PPP2R2A: variants seen among roughly 807,000 people sequenced by gnomAD.
The protein encoded by PPP2R2A is protein phosphatase 2 regulatory subunit Balpha, also known as serine/threonine-protein phosphatase 2A 55 kDa regulatory subunit B alpha isoform.
PPP2R2A carries 9 observed loss-of-function variants against 53.2 expected under a neutral mutation model. The observed-to-expected ratio is 0.17, with a 90% CI of 0.10 to 0.30. The LOEUF (loss-of-function observed/expected upper bound fraction) is 0.30. PPP2R2A is among the 10% of genes least tolerant of loss of function. The pLI is 1.00. For missense variants in PPP2R2A, 235 were observed against 534.6 expected (o/e 0.44, Z 5.53); for synonymous variants, 169 against 174.2 (o/e 0.97, Z 0.23).
At chr8:26,306,252 GATTGC>G (rs889907714) in intron 2 of PPP2R2A, among the ~76,000 whole-genome samples, 5 of 151,684 alleles carry the variant, frequency 3.3e-5, no homozygotes, top group Non-Finnish European at 7.4e-5. Context: ...AAGGTGGGTG[GATTGC>G]TTGAGGTCAG....
Position 26,362,890 on chromosome 8 carries a change from G to A in PPP2R2A, c.802+42G>A, listed in dbSNP as rs1271201343. ...TTTCCTTAAAATGATTACATATTCT[G>A]TTTGTCTGAAATAAGCCTCAGACAT... On this transcript the variant is annotated intron_variant, in intron 7 of 9. Coordinates refer to ENST00000380737, the MANE Select transcript of PPP2R2A (RefSeq NM_002717.4). This position sits in a 1 kb window ranked among gnomAD's most constrained non-coding sequence, Gnocchi z 4.4. The A allele has an allele frequency of 1.9e-6, 3 of 1,572,830 alleles. No individual in the cohort carries two copies. The highest frequency in any genetic ancestry group is 2.6e-6 in the Non-Finnish European group (3 of 1,150,378).
chr8:26,342,324 T>C (rs549637220), intron 3 of PPP2R2A, among the ~76,000 whole-genome samples: 2 of 152,216 alleles, frequency 1.3e-5, no homozygotes, highest in Non-Finnish European at 2.9e-5. Context: ...CTAATAGCTT[T>C]TGACAGCAAA....
In PPP2R2A at chr8:26,361,045, A is replaced by G. The variant is rs375959689; in HGVS notation, c.531A>G (p.Thr177=). ...SPRRIFANAH[T]YHINSISINS... ...GAAGAATATTTGCCAATGCTCATACATATCACATCAACTCAATTTCTATTA... is the reference window on the plus strand; with the variant it reads ...GAAGAATATTTGCCAATGCTCATACGTATCACATCAACTCAATTTCTATTA... The change falls in exon 6 of 10, where the codon ACA becomes ACG. Residue 177 remains threonine, a synonymous_variant. Transcript: ENST00000380737. 2 of 1,609,018 alleles carry G rather than the reference A, an allele frequency of 1.2e-6. No homozygotes were observed. The highest frequency in any genetic ancestry group is 1.1e-5 in the South Asian group (1 of 90,044).
rs141854462 is a variant in PPP2R2A, at chr8:26,334,493, TC to T, written c.83-4395del. 9.7e-4 allele frequency among the ~76,000 whole-genome samples: 147 copies of T among 152,146 alleles called. 2 individuals carry two copies. In the East Asian group the frequency reaches 0.021, roughly 21 times the overall value. On this transcript the variant is annotated intron_variant, in intron 2 of 9. Coordinates refer to ENST00000380737, the MANE Select transcript of PPP2R2A (RefSeq NM_002717.4). The stretch of plus-strand genomic sequence containing the variant: ...AGGTACGGTGGCTCACGCCTGAAAT[TC>T]CAGCATATTGGGAGGCCGAGGTAGG...
chr8:26,296,282 C>T (rs910530316), intron 2 of PPP2R2A, among the ~76,000 whole-genome samples: 8 of 152,234 alleles, frequency 5.3e-5, no homozygotes, highest in African/African-American at 1.9e-4. Flanking sequence ...TAAGTTCAAA[C>T]ATCTCAGTCT....
At chr8:26,324,607 A>C (rs1211114482) in intron 2 of PPP2R2A, among the ~76,000 whole-genome samples, 1 of 152,158 alleles carries the variant, frequency 6.6e-6, no homozygotes, top group Non-Finnish European at 1.5e-5. Flanking sequence ...GTGGGGTCGG[A>C]GCCCCCACAC....
intron 2 of PPP2R2A, among the ~76,000 whole-genome samples, chr8:26,301,329 CTTTTTTTTGTTTTTT>C (rs1801773876): frequency 7.1e-6 from 1 of 141,370 alleles, no homozygotes; most frequent in Non-Finnish European, 1.6e-5. Context: ...TTTCCTTTTT[CTTTTTTTTGTTTTTT>C]TTTTTTGAGA....
intron 2 of PPP2R2A, among the ~76,000 whole-genome samples, chr8:26,306,349 G>A (rs1032492887): frequency 2.0e-5 from 3 of 151,882 alleles, no homozygotes; most frequent in Admixed American, 2.0e-4. Context: ...GGTGGCGCTT[G>A]CCTGTAATCC....
intron 2 of PPP2R2A, among the ~76,000 whole-genome samples, chr8:26,316,180 G>T (rs1225171832): frequency 2.0e-5 from 3 of 151,906 alleles, no homozygotes; most frequent in Admixed American, 6.6e-5. Flanking sequence ...AATTTCTTTT[G>T]TATTTCTAGT....
intron 2 of PPP2R2A, among the ~76,000 whole-genome samples, chr8:26,302,238 A>G (rs1801820776): frequency 1.3e-5 from 2 of 152,250 alleles, no homozygotes; most frequent in Admixed American, 6.5e-5. Flanking sequence ...TTCAGTGTAC[A>G]GTGTTTGTTG....
chr8:26,325,996 T>C (rs1803067850), intron 2 of PPP2R2A, among the ~76,000 whole-genome samples: 1 of 152,082 alleles, frequency 6.6e-6, no homozygotes. Flanking sequence ...CTGCCATGCC[T>C]GGCTAATATT....
In PPP2R2A at chr8:26,341,594, A is replaced by T. The variant is rs184535842; in HGVS notation, c.180+2607A>T. 2.0e-5 allele frequency among the ~76,000 whole-genome samples: 3 copies of T among 152,312 alleles called. No homozygotes were observed. The East Asian group carries it at 5.8e-4, about 29-fold the overall frequency. On this transcript the variant is annotated intron_variant, in intron 3 of 9. Transcript: ENST00000380737. Reference sequence around the variant, plus strand: ...ATTTAGTAGCAAAAATCAGGTTAGGATTTGGGTCTCCGATTTTCAATCCAA... The same window carrying T: ...ATTTAGTAGCAAAAATCAGGTTAGGTTTTGGGTCTCCGATTTTCAATCCAA...
In PPP2R2A at chr8:26,360,712, G is replaced by C; in HGVS notation, c.460-262G>C. The C allele has an allele frequency of 2.4e-6, 1 of 412,492 alleles. No homozygotes were observed. Among genetic ancestry groups the C allele is most frequent in the East Asian group, 4.2e-5 (1 of 23,644 alleles). The allele number at this position is 412,492 out of a possible 1,614,324, so 25.6% of individuals were successfully genotyped here. A position where few individuals can be genotyped will look rare whatever the true frequency, so the allele number is the denominator to read the frequency against. On this transcript the variant is annotated intron_variant, in intron 5 of 9. Coordinates refer to ENST00000380737, the MANE Select transcript of PPP2R2A (RefSeq NM_002717.4). The surrounding 1 kb of genome is among the most constrained non-coding windows in gnomAD (Gnocchi z 4.5). ...CCATAAACATTTATTAGCTTGGCAT[G>C]TCTTTCAAGCAAAATATTGAAACTA...
At chr8:26,336,017 A>G (rs2117317460) in intron 2 of PPP2R2A, among the ~76,000 whole-genome samples, 1 of 152,180 alleles carries the variant, frequency 6.6e-6, no homozygotes, top group African/African-American at 2.4e-5. Context: ...TCTTCCATTC[A>G]CATGTTCAGT....
intron 3 of PPP2R2A, among the ~76,000 whole-genome samples, chr8:26,346,117 G>GTTATTATTATTATTA (rs71551870): frequency 2.5e-4 from 36 of 144,432 alleles, no homozygotes; most frequent in African/African-American, 5.1e-4. Context: ...TACCAGTCGG[G>GTTATTATTATTATTA]TTATTATTAT....
At chr8:26,361,292 A>G in intron 6 of PPP2R2A, 141 bp downstream of exon 6, 2 of 688,324 alleles carry the variant, frequency 2.9e-6, no homozygotes, top group Non-Finnish European at 4.4e-6. Context: ...TTTTCTTTGT[A>G]GATGAGTAAT....
chr8:26,293,750 C>G lies in PPP2R2A; in HGVS notation c.82+10C>G, dbSNP rs372266871. 129 of 1,611,488 alleles carry G rather than the reference C, an allele frequency of 8.0e-5. No individual in the cohort carries two copies. Among genetic ancestry groups the G allele is most frequent in the Non-Finnish European group, 1.1e-4 (126 of 1,178,326 alleles). On this transcript the variant is annotated intron_variant, in intron 2 of 9. Coordinates refer to ENST00000380737, the MANE Select transcript of PPP2R2A (RefSeq NM_002717.4). ...GATGATGTAGCAGAAGGTAAGAAAGCGTTTAATGCAAAATTTGGATATATA... is the reference window on the plus strand; with the variant it reads ...GATGATGTAGCAGAAGGTAAGAAAGGGTTTAATGCAAAATTTGGATATATA...
intron 3 of PPP2R2A, among the ~76,000 whole-genome samples, chr8:26,353,729 AC>A (rs1804631513): frequency 6.6e-6 from 1 of 152,228 alleles, no homozygotes; most frequent in Non-Finnish European, 1.5e-5. Flanking sequence ...AGCTTAAATT[AC>A]ATTTTTTCAA....
Position 26,357,716 on chromosome 8 carries a change from C to T in PPP2R2A, c.347-2453C>T, listed in dbSNP as rs1159338562. 1.3e-4 allele frequency among the ~76,000 whole-genome samples: 20 copies of T among 151,966 alleles called. 1 individual carries two copies. The highest frequency in any genetic ancestry group is 2.0e-4 in the Admixed American group (3 of 15,272). ...TAAAGCTGCATTCCCACAAAGGAAA[C>T]GGCAGCGTGGTTTTCCCTGCTCATA... On this transcript the variant is annotated intron_variant, in intron 4 of 9. Coordinates refer to ENST00000380737, the MANE Select transcript of PPP2R2A (RefSeq NM_002717.4).
Sources: allele counts gnomAD v4.1 joint callset (sites outside exome capture counted in the v4.1 genomes callset), GRCh38; gene constraint gnomAD v4.1.1; non-coding constraint Gnocchi (gnomAD v3.1); transcripts MANE v1.5; gene names NCBI Gene and HGNC (gene_info 2026-07-23, HGNC 2026-07-21).